The following ADGB variants were observed in gnomAD, a reference collection of about 807,000 sequenced individuals.
ADGB encodes androglobin, also known as calpain-7-like protein.
A neutral mutation model predicts 210.5 loss-of-function variants in ADGB; 172 were observed. The ratio of observed to expected loss-of-function variants is 0.82; its 90% confidence interval spans 0.72 to 0.93. The LOEUF (loss-of-function observed/expected upper bound fraction) is 0.93. Ranked by LOEUF, ADGB falls within the 40% of genes least tolerant of loss-of-function variation. The probability of loss-of-function intolerance (pLI) is 0.00; values close to 1 mark genes in which losing one functional copy is unlikely to be tolerated. For synonymous variants in ADGB, 658 were observed against 662.7 expected, an observed-to-expected ratio of 0.99 and a Z score of 0.11; for missense variants, 2,025 against 1,964.8, an observed-to-expected ratio of 1.03 and a Z score of -0.58.
intron 16 of ADGB, 83 bp from the exon 17 acceptor site, chr6:146,721,320 G>A (rs1002218731): frequency 1.1e-5 from 10 of 871,130 alleles, no homozygotes; most frequent in Non-Finnish European, 1.8e-5. Context: ...ACTCTTAGAT[G>A]TTATACTATG....
intron 1 of ADGB, among the ~76,000 whole-genome samples, chr6:146,634,149 C>G (rs887588551): frequency 3.9e-5 from 6 of 152,044 alleles, no homozygotes; most frequent in Non-Finnish European, 7.4e-5. Context: ...CTGCAATATT[C>G]AGGACAGTAA....
At position 146,661,073 on chromosome 6, in the gene ADGB, TGCATAG is replaced by T. The variant is rs529094766; in HGVS notation, c.613-3127_613-3122del. On this transcript the variant is annotated intron_variant, in intron 5 of 35. Coordinates refer to ENST00000397944, the MANE Select transcript of ADGB (RefSeq NM_024694.4). The stretch of plus-strand genomic sequence containing the variant: ...TTCACTTTATGAATTAAAATATACA[TGCATAG>T]CTTATCACAGTCAACTAGTATCATG... Among the ~76,000 whole-genome samples the T allele has an allele frequency of 3.8e-3, 584 of 152,266 alleles. 1 individual carries two copies. The highest frequency in any genetic ancestry group is 5.9e-3 in the Non-Finnish European group (400 of 68,014).
In ADGB at chr6:146,736,591, G is replaced by A. The variant is rs1777082782; in HGVS notation, c.2888G>A (p.Arg963Lys). The change falls in exon 23 of 36, where the codon AGA (arginine) becomes AAA (lysine). Residue 963 changes from arginine (R) to lysine (K), a missense_variant and splice_region_variant. Arg to Lys is a conservative substitution (Grantham distance 26). Coordinates refer to ENST00000397944, the MANE Select transcript of ADGB (RefSeq NM_024694.4). ...NLEQYAVSLL[R>K]LMFKSKCKSL... ...GAACAGTATGCAGTTTCTCTCTTAA[G>A]GTAAAGCAGTCAAATGATATTTTTA... The A allele has an allele frequency of 6.5e-7, 1 of 1,532,450 alleles. No homozygotes were observed. Among genetic ancestry groups the A allele is most frequent in the Non-Finnish European group, 8.8e-7 (1 of 1,137,360 alleles). The allele number at this position is 1,532,450 out of a possible 1,614,324, so 94.9% of individuals were successfully genotyped here.
At chr6:146,674,471 C>G (rs1776059426) in intron 8 of ADGB, among the ~76,000 whole-genome samples, 1 of 151,932 alleles carries the variant, frequency 6.6e-6, no homozygotes, top group Non-Finnish European at 1.5e-5. Flanking sequence ...TTGGGCCAGC[C>G]CAGGGAGAGC....
chr6:146,603,221 T>C (rs892453200), intron 1 of ADGB, among the ~76,000 whole-genome samples: 1 of 152,174 alleles, frequency 6.6e-6, no homozygotes, highest in African/African-American at 2.4e-5. Flanking sequence ...ACAAATTAAA[T>C]TAATTGATCA....
intron 1 of ADGB, among the ~76,000 whole-genome samples, chr6:146,630,107 G>A (rs1033205849): frequency 6.6e-6 from 1 of 151,704 alleles, no homozygotes; most frequent in African/African-American, 2.4e-5. Flanking sequence ...CATGGTGGCA[G>A]GTGCCTGTAG....
At chr6:146,787,115 TGG>T (rs1281824853) in intron 32 of ADGB, among the ~76,000 whole-genome samples, 1 of 152,108 alleles carries the variant, frequency 6.6e-6, no homozygotes, top group Non-Finnish European at 1.5e-5. Context: ...TTGCTAAAAC[TGG>T]GGTCAGCAGG....
At chr6:146,686,875 A>G (rs967729757) in intron 10 of ADGB, among the ~76,000 whole-genome samples, 1 of 152,166 alleles carries the variant, frequency 6.6e-6, no homozygotes, top group Non-Finnish European at 1.5e-5. Flanking sequence ...AGAAAGAGCT[A>G]TGTTTTAAAA....
At chr6:146,624,660 T>C (rs1300284092) in intron 1 of ADGB, among the ~76,000 whole-genome samples, 5 of 151,970 alleles carry the variant, frequency 3.3e-5, no homozygotes, top group Admixed American at 2.0e-4. Flanking sequence ...CTTGCTCTTT[T>C]TTTCTTACTT....
chr6:146,781,901 T>C (rs1777805465), intron 29 of ADGB, 119 bp from the exon 30 acceptor site: 1 of 716,028 alleles, frequency 1.4e-6, no homozygotes, highest in South Asian at 5.4e-5. Context: ...TCTGTGTGAT[T>C]GAAAAAATAC....
rs577205482 is a variant in ADGB, at chr6:146,802,969, T to G, written c.4818+958T>G. On this transcript the variant is annotated intron_variant, in intron 35 of 35. Coordinates refer to ENST00000397944, the MANE Select transcript of ADGB (RefSeq NM_024694.4). ...GATGATAGTTCTGACCACCACCTTT[T>G]AATGACTGCTTGAAGCCAGTTTAAA... is the stretch of plus-strand genomic sequence containing the variant. 2.5e-6 allele frequency: 4 copies of G among 1,609,728 alleles called. No individual in the cohort carries two copies. The East Asian group carries it at 8.9e-5, about 36-fold the overall frequency.
At chr6:146,772,635 CATATGAA>C (rs1398179559) in intron 29 of ADGB, among the ~76,000 whole-genome samples, 1 of 146,688 alleles carries the variant, frequency 6.8e-6, no homozygotes, top group Non-Finnish European at 1.5e-5. Context: ...ATATTTATAT[CATATGAA>C]ATATATTTGC....
At chr6:146,790,231 A>G (rs1777934548) in intron 33 of ADGB, among the ~76,000 whole-genome samples, 5 of 152,160 alleles carry the variant, frequency 3.3e-5, no homozygotes, top group Admixed American at 3.3e-4. Flanking sequence ...GAAACATCCA[A>G]TAAATTGTTA....
At chr6:146,697,054 T>C (rs981374055) in intron 12 of ADGB, among the ~76,000 whole-genome samples, 5 of 151,336 alleles carry the variant, frequency 3.3e-5, no homozygotes, top group Admixed American at 6.6e-5. Context: ...GTGTCACTCA[T>C]AGGGAAAAAA....
intron 12 of ADGB, among the ~76,000 whole-genome samples, chr6:146,694,195 T>G (rs1384008763): frequency 6.6e-6 from 1 of 152,150 alleles, no homozygotes; most frequent in Admixed American, 6.6e-5. Context: ...GCATTCATGT[T>G]CTGTCTTAGC....
At chr6:146,776,156 T>C (rs569351036) in intron 29 of ADGB, among the ~76,000 whole-genome samples, 1 of 152,228 alleles carries the variant, frequency 6.6e-6, no homozygotes, top group African/African-American at 2.4e-5. Context: ...CCTAAGCACT[T>C]CCTCTCTTCC....
intron 27 of ADGB, among the ~76,000 whole-genome samples, chr6:146,754,256 TA>T (rs1777370218): frequency 6.6e-6 from 1 of 151,316 alleles, no homozygotes; most frequent in Non-Finnish European, 1.5e-5. Context: ...CTTTTTTATT[TA>T]TTTTTAATTT....
intron 33 of ADGB, among the ~76,000 whole-genome samples, chr6:146,793,717 G>A (rs9497629): frequency 0.013 from 2,054 of 152,302 alleles, 40 homozygotes; most frequent in African/African-American, 0.047. Flanking sequence ...AACTCCAGAA[G>A]TTGGTATAAG....
intron 28 of ADGB, among the ~76,000 whole-genome samples, chr6:146,766,430 A>AAAATTAAATTAAATTAAATTAAATT (rs71552958): frequency 3.6e-5 from 5 of 139,444 alleles, no homozygotes; most frequent in Middle Eastern, 6.9e-3. Flanking sequence ...CTGTCTCAGT[A>AAAATTAAATTAAATTAAATTAAATT]AAATTAAATT....
Sources: gnomAD v4.1 joint callset for allele counts (sites outside exome capture counted in the v4.1 genomes callset) on GRCh38, gnomAD v4.1.1 for gene constraint, MANE v1.5 for transcripts, NCBI Gene and HGNC (gene_info 2026-07-23, HGNC 2026-07-21) for gene names.